The following BRINP3 variants were observed in gnomAD, a reference collection of about 807,000 sequenced individuals.
The protein encoded by BRINP3 is BMP/retinoic acid inducible neural specific 3, also known as BMP/retinoic acid-inducible neural-specific protein 3.
In BRINP3, 19 loss-of-function variants were observed where a neutral mutation model predicts 71.0. The ratio of observed to expected loss-of-function variants is 0.27; its 90% CI spans 0.19 to 0.39. The LOEUF is 0.39. Ranked by LOEUF, BRINP3 falls within the 10% of genes least tolerant of loss-of-function variation. The pLI is 1.00. For synonymous variants in BRINP3, 380 were observed against 337.7 expected, an observed-to-expected ratio of 1.13 and a Z score of -1.37; for missense variants, 959 against 940.8, an observed-to-expected ratio of 1.02 and a Z score of -0.25.
chr1:190,312,508 C>G (rs1388381167), intron 2 of BRINP3, among the ~76,000 whole-genome samples: 1 of 150,996 alleles, frequency 6.6e-6, no homozygotes, highest in African/African-American at 2.4e-5. Flanking sequence ...GTTCAGAGTA[C>G]CTCAGTTGTG....
chr1:190,408,019 CT>C (rs34343187), intron 2 of BRINP3, among the ~76,000 whole-genome samples: 15 of 99,794 alleles, frequency 1.5e-4, no homozygotes, highest in African/African-American at 6.2e-4. Flanking sequence ...CTACATTTGT[CT>C]TTTTTTTTTT....
chr1:190,201,086 GA>G (rs1343255756), intron 6 of BRINP3, among the ~76,000 whole-genome samples: 4 of 152,032 alleles, frequency 2.6e-5, no homozygotes, highest in African/African-American at 9.7e-5. Context: ...GAAAAAGACA[GA>G]AAAAATGTGG....
intron 2 of BRINP3, among the ~76,000 whole-genome samples, chr1:190,414,220 G>T (rs12732902): frequency 0.17 from 25,504 of 151,990 alleles, 2,230 homozygotes; most frequent in Middle Eastern, 0.22. Flanking sequence ...CTAGACTAAA[G>T]TGGCATAGTC....
chr1:190,367,212 A>G (rs1408487678), intron 2 of BRINP3, among the ~76,000 whole-genome samples: 1 of 152,220 alleles, frequency 6.6e-6, no homozygotes. Flanking sequence ...ACATTCTCTG[A>G]AATCTAGGCA....
intron 4 of BRINP3, among the ~76,000 whole-genome samples, chr1:190,255,408 G>T (rs770226074): frequency 1.1e-4 from 17 of 151,978 alleles, no homozygotes; most frequent in Non-Finnish European, 2.9e-5. Flanking sequence ...GAATCCATCT[G>T]GTCCTCGACT....
At chr1:190,468,142 C>G (rs762166149) in intron 1 of BRINP3, among the ~76,000 whole-genome samples, 1 of 151,220 alleles carries the variant, frequency 6.6e-6, no homozygotes. Context: ...AGATCTTGAG[C>G]AAATTGTCTT....
At chr1:190,349,976 G>A (rs1339848128) in intron 2 of BRINP3, among the ~76,000 whole-genome samples, 2 of 152,064 alleles carry the variant, frequency 1.3e-5, no homozygotes, top group South Asian at 2.1e-4. Flanking sequence ...ATAGAGTAGT[G>A]TTAGGGTGCA....
At chr1:190,341,965 G>T (rs988318033) in intron 2 of BRINP3, among the ~76,000 whole-genome samples, 1 of 151,332 alleles carries the variant, frequency 6.6e-6, no homozygotes, top group Non-Finnish European at 1.5e-5. Flanking sequence ...AAAAGTGTCA[G>T]CAGGACTGAG....
chr1:190,329,135 A>G (rs990994422), intron 2 of BRINP3, among the ~76,000 whole-genome samples: 19 of 152,160 alleles, frequency 1.2e-4, no homozygotes, highest in African/African-American at 4.6e-4. Flanking sequence ...ATTCACTCTC[A>G]CAATTCCTAT....
chr1:190,183,076 C>A (rs933053900), intron 6 of BRINP3, among the ~76,000 whole-genome samples: 53 of 152,046 alleles, frequency 3.5e-4, no homozygotes, highest in African/African-American at 1.2e-3. Flanking sequence ...TTACCTGTGA[C>A]TTAGCAATCA....
chr1:190,434,438 T>A (rs958477724), intron 2 of BRINP3, among the ~76,000 whole-genome samples: 1 of 152,042 alleles, frequency 6.6e-6, no homozygotes, highest in African/African-American at 2.4e-5. Flanking sequence ...GGTTTCTTTG[T>A]TGTTCTTTTT....
intron 4 of BRINP3, among the ~76,000 whole-genome samples, chr1:190,236,598 A>T (rs1418705960): frequency 2.0e-5 from 3 of 151,978 alleles, no homozygotes; most frequent in Non-Finnish European, 4.4e-5. Context: ...TGGGCAAAGA[A>T]TTACTTTTTC....
chr1:190,417,243 A>C (rs1673066982), intron 2 of BRINP3, among the ~76,000 whole-genome samples: 2 of 149,974 alleles, frequency 1.3e-5, no homozygotes, highest in African/African-American at 4.9e-5. Context: ...GGCTCTTAAC[A>C]AAAAAAAAAT....
intron 2 of BRINP3, among the ~76,000 whole-genome samples, chr1:190,364,274 A>G (rs1240751920): frequency 2.6e-5 from 4 of 152,100 alleles, no homozygotes; most frequent in East Asian, 1.9e-4. Flanking sequence ...TCTAGTAAGC[A>G]TAAGTTGGAA....
intron 6 of BRINP3, among the ~76,000 whole-genome samples, chr1:190,167,278 T>C (rs1651637898): frequency 6.6e-6 from 1 of 152,128 alleles, no homozygotes; most frequent in African/African-American, 2.4e-5. Context: ...TGAGAGCATA[T>C]GTGGTTTGTT....
intron 7 of BRINP3, among the ~76,000 whole-genome samples, chr1:190,108,058 G>A (rs896065140): frequency 1.3e-5 from 2 of 151,706 alleles, no homozygotes; most frequent in African/African-American, 4.8e-5. Flanking sequence ...TACTGGAGCT[G>A]AATAGTTGTC....
chr1:190,403,574 T>G (rs1175557140), intron 2 of BRINP3, among the ~76,000 whole-genome samples: 1 of 152,194 alleles, frequency 6.6e-6, no homozygotes, highest in Non-Finnish European at 1.5e-5. Flanking sequence ...GAACAGGGAA[T>G]GTAGAGCTTG....
intron 4 of BRINP3, among the ~76,000 whole-genome samples, chr1:190,254,945 A>G (rs548884331): frequency 7.2e-5 from 11 of 152,148 alleles, no homozygotes; most frequent in Admixed American, 2.6e-4. Flanking sequence ...GATACATTCC[A>G]TCAATACCCA....
rs537094521 is a variant in BRINP3, at chr1:190,223,659, T to C, written c.961+2423A>G. On this transcript the variant is annotated intron_variant, in intron 6 of 7. Transcript: ENST00000367462. ...TTCACCACTTTTATTCAACATGACATGGAAAGTCCTCTCCAGAACAAGTAG... is the reference window on the plus strand; with the variant it reads ...TTCACCACTTTTATTCAACATGACACGGAAAGTCCTCTCCAGAACAAGTAG... Among the ~76,000 whole-genome samples, 21 of 151,792 alleles carry C rather than the reference T, an allele frequency of 1.4e-4. No homozygotes were observed. The South Asian group carries it at 4.4e-3, about 32-fold the overall frequency.
Sources: gnomAD v4.1 joint callset for allele counts (sites outside exome capture counted in the v4.1 genomes callset) on GRCh38, gnomAD v4.1.1 for gene constraint, MANE v1.5 for transcripts, NCBI Gene and HGNC (gene_info 2026-07-23, HGNC 2026-07-21) for gene names.